The following HDAC4 variants were observed in gnomAD, a reference collection of about 807,000 sequenced individuals.
The protein encoded by HDAC4 is histone deacetylase 4, also known as histone deacetylase A.
In HDAC4, 16 loss-of-function variants were observed where a neutral mutation model predicts 135.1. The ratio of observed to expected loss-of-function variants is 0.12; its 90% CI spans 0.08 to 0.18. The LOEUF is 0.18. HDAC4 is among the 10% of genes least tolerant of loss of function. The pLI is 1.00. For synonymous variants in HDAC4, 685 were observed against 653.4 expected, an observed-to-expected ratio of 1.05 and a Z score of -0.74; for missense variants, 1,143 against 1,511.8, an observed-to-expected ratio of 0.76 and a Z score of 4.05.
At chr2:239,067,452 C>A (rs184969106) in intron 23 of HDAC4, among the ~76,000 whole-genome samples, 4 of 152,206 alleles carry the variant, frequency 2.6e-5, no homozygotes, top group Admixed American at 6.5e-5. Flanking sequence ...TTAGTGGCCC[C>A]GATCATGGGC....
At chr2:239,391,372 G>A (rs1355038543) in intron 1 of HDAC4, among the ~76,000 whole-genome samples, 2 of 152,132 alleles carry the variant, frequency 1.3e-5, no homozygotes, top group Non-Finnish European at 2.9e-5. Flanking sequence ...ACCACACCAC[G>A]ACCTGCTGCA....
intron 3 of HDAC4, among the ~76,000 whole-genome samples, chr2:239,223,131 A>C (rs1007609927): frequency 2.0e-5 from 3 of 152,254 alleles, no homozygotes; most frequent in Non-Finnish European, 2.9e-5. Flanking sequence ...TCAAGTTTAC[A>C]TAAGAACGCA....
intron 3 of HDAC4, among the ~76,000 whole-genome samples, chr2:239,214,491 T>A (rs1244347047): frequency 6.6e-6 from 1 of 152,082 alleles, no homozygotes; most frequent in African/African-American, 2.4e-5. Context: ...TGAGGGACAT[T>A]TCGGGGGTTC....
chr2:239,289,534 TGCCCAGCACCAG>T (rs1458236010), intron 2 of HDAC4, among the ~76,000 whole-genome samples: 2 of 152,202 alleles, frequency 1.3e-5, no homozygotes, highest in Non-Finnish European at 2.9e-5. Flanking sequence ...TCCAACTAAG[TGCCCAGCACCAG>T]GCCAATAAAG....
At chr2:239,163,370 C>G (rs1488744726) in intron 6 of HDAC4, among the ~76,000 whole-genome samples, 1 of 152,230 alleles carries the variant, frequency 6.6e-6, no homozygotes, top group Non-Finnish European at 1.5e-5. Flanking sequence ...AGGCACCAGC[C>G]TCCGGAGCAC....
In HDAC4 at chr2:239,108,223, G is replaced by A. The variant is rs753723530; in HGVS notation, c.1979-40C>T. 27 of 1,568,538 alleles carry A rather than the reference G, an allele frequency of 1.7e-5. No homozygotes were observed. In the South Asian group the frequency reaches 2.4e-4, roughly 14 times the overall value. ...AGGGGCCAAGATCAGCGCACATCCA[G>A]GGGCGAGCCGACCACCCACTGGCAG... On this transcript the variant is annotated intron_variant, in intron 14 of 26. Coordinates refer to ENST00000543185, the MANE Select transcript of HDAC4 (RefSeq NM_001378414.1).
chr2:239,090,182 G>A, intron 17 of HDAC4, 66 bp from the exon 18 acceptor site: 1 of 1,200,306 alleles, frequency 8.3e-7, no homozygotes, highest in Non-Finnish European at 1.2e-6. Context: ...GCCCTGGCTG[G>A]GCAGAGCAGC....
intron 17 of HDAC4, chr2:239,091,864 T>C (rs1425355786): frequency 4.1e-5 from 6 of 147,058 alleles, no homozygotes; most frequent in African/African-American, 1.5e-4. Context: ...ATCGAGACCA[T>C]CCTGGCTAAC....
intron 7 of HDAC4, among the ~76,000 whole-genome samples, chr2:239,151,407 T>C (rs3791495): frequency 0.085 from 12,935 of 152,238 alleles, 596 homozygotes; most frequent in East Asian, 0.18. Context: ...GCGGGACAGC[T>C]TCCCCCCAAA....
At chr2:239,321,450 GCA>G (rs2053307935) in intron 2 of HDAC4, among the ~76,000 whole-genome samples, 1 of 98,864 alleles carries the variant, frequency 1.0e-5, no homozygotes, top group African/African-American at 3.8e-5. Context: ...GGGTGAAAGA[GCA>G]AGACTCCGTC....
intron 2 of HDAC4, among the ~76,000 whole-genome samples, chr2:239,239,535 G>A (rs1483902446): frequency 6.6e-6 from 1 of 152,130 alleles, no homozygotes; most frequent in Non-Finnish European, 1.5e-5. Context: ...CACATAAGAA[G>A]CTCCTCCTTA....
intron 2 of HDAC4, among the ~76,000 whole-genome samples, chr2:239,343,872 AG>A (rs1692455610): frequency 1.4e-5 from 2 of 141,590 alleles, no homozygotes; most frequent in Admixed American, 1.3e-4. Flanking sequence ...ACTCGATAGC[AG>A]TAACACTGGT....
intron 2 of HDAC4, among the ~76,000 whole-genome samples, chr2:239,265,015 G>T (rs1317320943): frequency 6.6e-6 from 1 of 152,198 alleles, no homozygotes; most frequent in Non-Finnish European, 1.5e-5. Context: ...CAGGCCCAAT[G>T]CGGGCTGAAG....
intron 6 of HDAC4, chr2:239,162,063 C>G (rs957982218): frequency 3.3e-5 from 15 of 450,448 alleles, no homozygotes; most frequent in Non-Finnish European, 6.7e-5. Flanking sequence ...CCACCTTCTT[C>G]CATGCTGCCG....
At chr2:239,175,346 C>T (rs574434926) in intron 5 of HDAC4, among the ~76,000 whole-genome samples, 22 of 152,346 alleles carry the variant, frequency 1.4e-4, no homozygotes, top group African/African-American at 3.8e-4. Flanking sequence ...CGGGGACACG[C>T]CAGGGCTCAG....
At chr2:239,284,018 C>A (rs1021855517) in intron 2 of HDAC4, among the ~76,000 whole-genome samples, 3 of 152,212 alleles carry the variant, frequency 2.0e-5, no homozygotes, top group Non-Finnish European at 4.4e-5. Flanking sequence ...GGGCCCCCAG[C>A]CAGTCACAGT....
At chr2:239,216,616 G>C (rs968687102) in intron 3 of HDAC4, among the ~76,000 whole-genome samples, 1 of 152,228 alleles carries the variant, frequency 6.6e-6, no homozygotes, top group South Asian at 2.1e-4. Flanking sequence ...CTTTGCTCTT[G>C]AACTGAATGT....
intron 13 of HDAC4, among the ~76,000 whole-genome samples, chr2:239,113,187 C>T (rs748347155): frequency 6.6e-6 from 1 of 152,200 alleles, no homozygotes; most frequent in Non-Finnish European, 1.5e-5. Flanking sequence ...GAGGCGGAGG[C>T]TGTAGTGAGC....
chr2:239,197,882 T>TGCGTGC (rs1553553373), intron 3 of HDAC4, among the ~76,000 whole-genome samples: 1 of 150,312 alleles, frequency 6.7e-6, no homozygotes, highest in Admixed American at 6.6e-5. Context: ...TGTGTGTGTG[T>TGCGTGC]GCTGAGTGTC....
Sources: gnomAD v4.1 joint callset for allele counts (sites outside exome capture counted in the v4.1 genomes callset) on GRCh38, gnomAD v4.1.1 for gene constraint, MANE v1.5 for transcripts, NCBI Gene and HGNC (gene_info 2026-07-23, HGNC 2026-07-21) for gene names.